Variants in EVI5 observed in about 807,000 individuals in gnomAD.
EVI5 encodes ecotropic viral integration site 5 protein homolog.
Under a neutral mutation model 112.0 loss-of-function variants are expected in EVI5, and 73 were observed. The observed-to-expected ratio is 0.65, with a 90% CI of 0.54 to 0.79. The LOEUF is 0.79. EVI5 is among the 30% of genes least tolerant of loss of function. The pLI is 0.00. For synonymous variants in EVI5, 305 were observed against 319.9 expected (o/e 0.95, Z 0.50); for missense variants, 900 against 968.8 (o/e 0.93, Z 0.94).
intron 18 of EVI5, among the ~76,000 whole-genome samples, chr1:92,578,756 T>C (rs567245147): frequency 1.3e-5 from 2 of 151,512 alleles, no homozygotes; most frequent in South Asian, 4.2e-4. Context: ...ACTCAGTGGT[T>C]AAGTAACTTA....
At chr1:92,717,178 A>G (rs1408061626) in intron 2 of EVI5, among the ~76,000 whole-genome samples, 1 of 152,154 alleles carries the variant, frequency 6.6e-6, no homozygotes, top group African/African-American at 2.4e-5. Context: ...GGAAGAAAGG[A>G]TATCAGTGAC....
rs548763369 is a variant in EVI5 at position 92,520,852 on chromosome 1, T to TA, written c.2167-6883dup. ...CTGGGTGATAGAGTGCAACCCTGTC[T>TA]AAAAAAAAAAAAAAAGAAATTAGTT... is the stretch of plus-strand genomic sequence containing the variant. On this transcript the variant is annotated intron_variant, in intron 19 of 19. Coordinates refer to ENST00000684568, the MANE Select transcript of EVI5 (RefSeq NM_001350197.2). Among the ~76,000 whole-genome samples, 445 of 121,554 alleles carry TA rather than the reference T, an allele frequency of 3.7e-3. 1 individual carries two copies. The highest frequency in any genetic ancestry group is 8.5e-3 in the African/African-American group (276 of 32,566). 79.7% of individuals were successfully genotyped at this position (121,554 alleles called of 152,430 possible).
rs1037556931 is a variant in EVI5 at position 92,734,084 on chromosome 1, C to T, written c.149+2314G>A. The stretch of plus-strand genomic sequence containing the variant: ...CCGGAAAGTATAGCCTCGCTGTCTA[C>T]CTACATCATGATGTATAAATTGATG... On this transcript the variant is annotated intron_variant, in intron 2 of 19. Transcript: ENST00000684568. Among the ~76,000 whole-genome samples, 4 of 152,188 alleles carry T rather than the reference C, an allele frequency of 2.6e-5. No homozygotes were observed. In the South Asian group the frequency reaches 8.3e-4, roughly 31 times the overall value.
In EVI5 at chr1:92,694,295, T is replaced by C. The variant is rs757905960; in HGVS notation, c.999+4A>G. 1 of 1,514,340 alleles carries C rather than the reference T, an allele frequency of 6.6e-7. No individual in the cohort carries two copies. Among genetic ancestry groups the C allele is most frequent in the South Asian group, 1.2e-5 (1 of 85,194 alleles). The allele number at this position is 1,514,340 out of a possible 1,614,324, so 93.8% of individuals were successfully genotyped here. A position where few individuals can be genotyped will look rare whatever the true frequency, so the allele number is the denominator to read the frequency against. Reference sequence around the variant, plus strand: ...AAAAAAAAGAAAATAAATTATGAACTTACCTGTAACATCCCTTCCATGTCA... The same window carrying C: ...AAAAAAAAGAAAATAAATTATGAACCTACCTGTAACATCCCTTCCATGTCA... On this transcript the variant is annotated splice_donor_region_variant and intron_variant, in intron 8 of 19. Coordinates refer to ENST00000684568, the MANE Select transcript of EVI5 (RefSeq NM_001350197.2).
At chr1:92,644,392 ATTGG>A (rs1312536501) in intron 13 of EVI5, among the ~76,000 whole-genome samples, 1 of 152,214 alleles carries the variant, frequency 6.6e-6, no homozygotes, top group African/African-American at 2.4e-5. Flanking sequence ...CATTCCTGAC[ATTGG>A]TTGTTTCTTC....
At chr1:92,725,050 C>T (rs1675359636) in intron 2 of EVI5, among the ~76,000 whole-genome samples, 1 of 152,058 alleles carries the variant, frequency 6.6e-6, no homozygotes, top group African/African-American at 2.4e-5. Flanking sequence ...TTCAGGTACT[C>T]AATGGCAGTG....
rs906298703 is a variant in EVI5 at position 92,512,575 on chromosome 1, T to C, written c.*1081A>G. On this transcript the variant is annotated 3_prime_UTR_variant, in exon 20 of 20. Coordinates refer to ENST00000684568, the MANE Select transcript of EVI5 (RefSeq NM_001350197.2). ...CAACATGTATGTTCTTCATATAAAA[T>C]GATGTTCAATGTTAGGTGGTACAGA... 1 of 152,232 alleles carries C rather than the reference T, an allele frequency of 6.6e-6. No homozygotes were observed. The highest frequency in any genetic ancestry group is 2.4e-5 in the African/African-American group (1 of 41,470). The allele number at this position is 152,232 out of a possible 1,614,324, so 9.4% of individuals were successfully genotyped here. A position where few individuals can be genotyped will look rare whatever the true frequency, so the allele number is the denominator to read the frequency against.
intron 19 of EVI5, among the ~76,000 whole-genome samples, chr1:92,563,235 C>G (rs4847181): frequency 0.85 from 129,611 of 152,114 alleles, 55,595 homozygotes; most frequent in East Asian, 0.97. Flanking sequence ...CCATCATGAG[C>G]GGTAAAAGAA....
At chr1:92,536,340 A>G (rs1663889284) in intron 19 of EVI5, among the ~76,000 whole-genome samples, 1 of 152,232 alleles carries the variant, frequency 6.6e-6, no homozygotes, top group Non-Finnish European at 1.5e-5. Context: ...AGAATAAAGC[A>G]TAAAAATGCA....
chr1:92,710,085 G>GAAAAAAAAAAAAA (rs1672609156), intron 2 of EVI5, among the ~76,000 whole-genome samples: 1 of 3,322 alleles, frequency 3.0e-4, no homozygotes, highest in East Asian at 0.019. Flanking sequence ...TTATTGCAAA[G>GAAAAAAAAAAAAA]CAAAAAAAAA....
chr1:92,558,907 T>TAAC (rs943913224), intron 19 of EVI5, among the ~76,000 whole-genome samples: 31 of 149,402 alleles, frequency 2.1e-4, no homozygotes, highest in African/African-American at 6.7e-4. Context: ...AAAAAACCCC[T>TAAC]AACAACAACA....
chr1:92,551,956 G>A (rs1571485402), intron 19 of EVI5, among the ~76,000 whole-genome samples: 1 of 151,984 alleles, frequency 6.6e-6, no homozygotes, highest in East Asian at 1.9e-4. Flanking sequence ...TAATTGTTGG[G>A]ACCATCTCTT....
intron 19 of EVI5, among the ~76,000 whole-genome samples, chr1:92,562,452 CCT>C (rs1485446098): frequency 2.0e-5 from 3 of 152,084 alleles, no homozygotes; most frequent in Non-Finnish European, 4.4e-5. Flanking sequence ...ATGGCATGAA[CCT>C]GGGAGGCGGA....
At chr1:92,544,955 T>G (rs949748467) in intron 19 of EVI5, among the ~76,000 whole-genome samples, 9 of 152,198 alleles carry the variant, frequency 5.9e-5, no homozygotes, top group African/African-American at 2.2e-4. Context: ...TGACACGTAC[T>G]ATTGGCATGA....
At position 92,513,541 on chromosome 1, in the gene EVI5, ATATATATATATATATATATATATATG is replaced by A. The variant is rs1400267943; in HGVS notation, c.*89_*114del. The A allele has an allele frequency of 0.12, 2,137 of 18,002 alleles. 87 individuals carry two copies. Among genetic ancestry groups the A allele is most frequent in the East Asian group, 0.34 (80 of 232 alleles). 1.1% of individuals were successfully genotyped at this position (18,002 alleles called of 1,614,324 possible). A position where few individuals can be genotyped will look rare whatever the true frequency, so the allele number is the denominator to read the frequency against. ...TATATATATATATATATATATATATATATATATATATATATATATATATATGTACATATGAAACAAATTATTTCCAA... is the reference window on the plus strand; with the variant it reads ...TATATATATATATATATATATATATATACATATGAAACAAATTATTTCCAA... On this transcript the variant is annotated 3_prime_UTR_variant, in exon 20 of 20. Coordinates refer to ENST00000684568, the MANE Select transcript of EVI5 (RefSeq NM_001350197.2).
At chr1:92,625,989 GCA>G in intron 14 of EVI5, 55 bp from the exon 15 acceptor site, 1 of 1,102,376 alleles carries the variant, frequency 9.1e-7, no homozygotes, top group South Asian at 1.3e-5. Flanking sequence ...ATAAAATACA[GCA>G]CACACAACAG....
At chr1:92,788,462 A>G (rs1685822081), upstream of EVI5, among the ~76,000 whole-genome samples, 3 of 150,920 alleles carry the variant, frequency 2.0e-5, no homozygotes, top group South Asian at 2.1e-4. Context: ...TGACAGAGTG[A>G]GAGACTCCAT....
intron 11 of EVI5, 81 bp from the exon 12 acceptor site, chr1:92,663,533 C>G: frequency 1.6e-6 from 1 of 627,588 alleles, no homozygotes; most frequent in South Asian, 2.5e-5. Context: ...ACAAATATAC[C>G]CAAATTCCAT....
chr1:92,758,571 CAA>C (rs11369948), intron 1 of EVI5, among the ~76,000 whole-genome samples: 4 of 129,314 alleles, frequency 3.1e-5, no homozygotes, highest in Admixed American at 8.1e-5. Context: ...CCCTGTCTCA[CAA>C]AAAAAAAAAA....
Sources: allele counts gnomAD v4.1 joint callset (sites outside exome capture counted in the v4.1 genomes callset), GRCh38; gene constraint gnomAD v4.1.1; transcripts MANE v1.5; gene names NCBI Gene and HGNC (gene_info 2026-07-23, HGNC 2026-07-21).